The following KCTD3 variants were observed in gnomAD, a reference collection of about 807,000 sequenced individuals.
The protein encoded by KCTD3 is potassium channel tetramerization domain containing 3, also known as BTB/POZ domain-containing protein KCTD3.
A neutral mutation model predicts 85.8 loss-of-function variants in KCTD3; 41 were observed. The ratio of observed to expected loss-of-function variants is 0.48; its 90% CI spans 0.37 to 0.62. The LOEUF is 0.62. Among genes scored for constraint, KCTD3 ranks in the 20% least tolerant of loss-of-function variants. The probability of loss-of-function intolerance (pLI) is 0.00; values close to 1 mark genes in which losing one functional copy is unlikely to be tolerated. For missense variants in KCTD3, 724 were observed against 989.9 expected, an observed-to-expected ratio of 0.73 and a Z score of 3.60; for synonymous variants, 338 against 345.4, an observed-to-expected ratio of 0.98 and a Z score of 0.24.
chr1:215,601,535 C>T (rs767041205), intron 10 of KCTD3, among the ~76,000 whole-genome samples: 2 of 152,128 alleles, frequency 1.3e-5, no homozygotes, highest in African/African-American at 4.8e-5. Flanking sequence ...CCTGGTCAGA[C>T]TCGGCCTTCC....
chr1:215,587,957 A>T (rs1322820583), intron 9 of KCTD3, among the ~76,000 whole-genome samples: 4 of 152,194 alleles, frequency 2.6e-5, no homozygotes, highest in Non-Finnish European at 5.9e-5. Context: ...ATATGAAAAA[A>T]AATTGCATTC....
At chr1:215,611,611 A>T (rs893793545) in intron 14 of KCTD3, among the ~76,000 whole-genome samples, 2 of 151,966 alleles carry the variant, frequency 1.3e-5, no homozygotes, top group African/African-American at 2.4e-5. Flanking sequence ...ATAAAATATA[A>T]TTTAGAAATA....
chr1:215,578,877 A>G (rs1659686061), intron 6 of KCTD3, 123 bp from the exon 7 acceptor site: 1 of 546,438 alleles, frequency 1.8e-6, no homozygotes, highest in African/African-American at 2.0e-5. Context: ...ATAATTTGCT[A>G]TATTGGAAGA....
At chr1:215,572,359 G>A (rs1659400131) in intron 1 of KCTD3, among the ~76,000 whole-genome samples, 2 of 152,162 alleles carry the variant, frequency 1.3e-5, no homozygotes, top group African/African-American at 2.4e-5. Flanking sequence ...CTGAAACTGA[G>A]TTTGAAAAGT....
chr1:215,620,080 C>A lies in KCTD3; in HGVS notation c.1910C>A (p.Thr637Asn). ...AGCCTTCAGCTTCAGCACCATGATA[C>A]CACCCATGAAGCAGCTACTTACGGT... ...NSSLQLQHHD[T>N]THEAATYGSM... is the part of the protein sequence containing the mutation. Residue 637 changes from threonine (T) to asparagine (N), a missense_variant, in exon 18 of 18, where the codon ACC becomes AAC. Around this residue, in one of 6 missense-constraint regions of KCTD3, gnomAD observed 222 missense variants for 217.7 expected, o/e 1.02. Coordinates refer to ENST00000259154, the MANE Select transcript of KCTD3 (RefSeq NM_016121.5). 2 of 1,597,184 alleles carry A rather than the reference C, an allele frequency of 1.3e-6. No homozygotes were observed. Among genetic ancestry groups the A allele is most frequent in the Non-Finnish European group, 1.7e-6 (2 of 1,174,814 alleles).
chr1:215,620,612 C>A lies in KCTD3; in HGVS notation c.2442C>A (p.Ser814Arg). The A allele has an allele frequency of 1.3e-6, 2 of 1,564,204 alleles. No individual in the cohort carries two copies. Among genetic ancestry groups the A allele is most frequent in the Non-Finnish European group, 1.7e-6 (2 of 1,157,160 alleles). Residue 814 changes from serine to arginine, a missense_variant, in exon 18 of 18, where the codon AGC becomes AGA. Coordinates refer to ENST00000259154, the MANE Select transcript of KCTD3 (RefSeq NM_016121.5). ...KKSDSSGQEYSL is the reference protein window; with the variant it reads ...KKSDSSGQEYRL The stretch of plus-strand genomic sequence containing the variant: ...GTGATTCTTCAGGTCAGGAGTACAG[C>A]TTGTGAAAACTCACCAAAATGAATA...
At chr1:215,580,492 C>A (rs1272268760) in intron 8 of KCTD3, among the ~76,000 whole-genome samples, 1 of 151,662 alleles carries the variant, frequency 6.6e-6, no homozygotes, top group Admixed American at 6.6e-5. Flanking sequence ...GTGAAACTTA[C>A]AAAGAAGTAG....
intron 9 of KCTD3, among the ~76,000 whole-genome samples, chr1:215,594,761 A>C (rs758289854): frequency 6.6e-6 from 1 of 152,180 alleles, no homozygotes; most frequent in African/African-American, 2.4e-5. Context: ...TGGAGATTGC[A>C]GTGCTGGAAC....
chr1:215,575,558 TG>T (rs1659540237), intron 3 of KCTD3, among the ~76,000 whole-genome samples: 1 of 152,208 alleles, frequency 6.6e-6, no homozygotes, highest in African/African-American at 2.4e-5. Context: ...AAGTATTAAT[TG>T]AATTCTAGAC....
intron 14 of KCTD3, among the ~76,000 whole-genome samples, chr1:215,609,148 C>T (rs1026756596): frequency 2.0e-5 from 3 of 152,046 alleles, no homozygotes; most frequent in Non-Finnish European, 4.4e-5. Context: ...CTCGTTTAAT[C>T]TTGACAATTT....
In KCTD3 at chr1:215,620,356, A is replaced by G. The variant is rs781243677; in HGVS notation, c.2186A>G (p.His729Arg). The stretch of plus-strand genomic sequence containing the variant: ...GAATTGGATAGTGGATTGGAAGTGC[A>G]TAAAATAGCTGAAGGTTTTTCAGAA... ...LRELDSGLEV[H>R]KIAEGFSESK... is the part of the protein sequence containing the mutation. Residue 729 changes from histidine to arginine, a missense_variant, in exon 18 of 18, where the codon CAT (histidine) becomes CGT (arginine). By Grantham distance (29) the His-to-Arg change is conservative. Coordinates refer to ENST00000259154, the MANE Select transcript of KCTD3 (RefSeq NM_016121.5). 14 of 1,613,434 alleles carry G rather than the reference A, an allele frequency of 8.7e-6. No individual in the cohort carries two copies. The highest frequency in any genetic ancestry group is 1.1e-5 in the Non-Finnish European group (13 of 1,179,796).
At position 215,602,110 on chromosome 1, in the gene KCTD3, G is replaced by A. The variant is rs1427584947; in HGVS notation, c.1047G>A (p.Met349Ile). The change falls in exon 12 of 18, where the codon ATG becomes ATA. Residue 349 changes from methionine to isoleucine, a missense_variant. Met to Ile is a conservative substitution (Grantham distance 10). Around this residue, in one of 6 missense-constraint regions of KCTD3, gnomAD observed 146 missense variants for 320.3 expected, o/e 0.46. Coordinates refer to ENST00000259154, the MANE Select transcript of KCTD3 (RefSeq NM_016121.5). Reference protein sequence around the residue: ...YIDMQKFPLRMKDNDLLVTEL... With the variant: ...YIDMQKFPLRIKDNDLLVTEL... ...ATATGCAGAAGTTCCCCTTGCGAAT[G>A]AAAGATAATGATCTTCTTGTAACTG... The A allele has an allele frequency of 6.2e-7, 1 of 1,606,590 alleles. No individual in the cohort carries two copies. Among genetic ancestry groups the A allele is most frequent in the Non-Finnish European group, 8.5e-7 (1 of 1,174,928 alleles).
chr1:215,606,755 G>C (rs1655038122), intron 13 of KCTD3, among the ~76,000 whole-genome samples: 1 of 151,956 alleles, frequency 6.6e-6, no homozygotes, highest in Non-Finnish European at 1.5e-5. Context: ...TGTATACTCA[G>C]TTATGTTATT....
chr1:215,570,751 A>C (rs1558225927), intron 1 of KCTD3, among the ~76,000 whole-genome samples: 1 of 152,216 alleles, frequency 6.6e-6, no homozygotes, highest in Non-Finnish European at 1.5e-5. Flanking sequence ...ATTTAGTAGG[A>C]GGCAAGTTGC....
At chr1:215,599,430 T>C (rs1027994020) in intron 10 of KCTD3, among the ~76,000 whole-genome samples, 9 of 152,202 alleles carry the variant, frequency 5.9e-5, no homozygotes, top group African/African-American at 2.2e-4. Flanking sequence ...CTAGGGGCCT[T>C]ATATGGGAAG....
At chr1:215,595,329 C>A in intron 9 of KCTD3, 27 bp from the exon 10 acceptor site, 3 of 1,376,852 alleles carry the variant, frequency 2.2e-6, no homozygotes, top group Non-Finnish European at 3.1e-6. Context: ...GACTGATTAA[C>A]CTTTTTATTT....
intron 1 of KCTD3, among the ~76,000 whole-genome samples, chr1:215,573,478 T>C (rs1243474311): frequency 2.0e-5 from 3 of 152,078 alleles, no homozygotes; most frequent in Non-Finnish European, 2.9e-5. Flanking sequence ...TACTGAGAAG[T>C]TGAGACTTGG....
chr1:215,575,293 C>A (rs1659531771), intron 3 of KCTD3, among the ~76,000 whole-genome samples: 1 of 151,872 alleles, frequency 6.6e-6, no homozygotes, highest in African/African-American at 2.4e-5. Context: ...ATGTATTTTA[C>A]ATTTTTAAGC....
intron 13 of KCTD3, among the ~76,000 whole-genome samples, chr1:215,604,657 ATTTT>A (rs79700903): frequency 7.5e-6 from 1 of 132,670 alleles, no homozygotes; most frequent in African/African-American, 2.7e-5. Flanking sequence ...AGGAGATGTG[ATTTT>A]TTTTTTTTTT....
Sources: allele counts gnomAD v4.1 joint callset (sites outside exome capture counted in the v4.1 genomes callset), GRCh38; gene constraint gnomAD v4.1.1; regional missense constraint gnomAD v4.1.1; transcripts MANE v1.5; gene names NCBI Gene and HGNC (gene_info 2026-07-23, HGNC 2026-07-21).